The following FAM118B variants were observed in gnomAD, a reference collection of about 807,000 sequenced individuals.
The protein encoded by FAM118B is protein FAM118B.
In FAM118B, 24 loss-of-function variants were observed where a neutral mutation model predicts 38.5. That is an observed-to-expected ratio of 0.62 (90% CI 0.45 to 0.88). FAM118B has a LOEUF of 0.88. Ranked by LOEUF, FAM118B falls within the 40% of genes least tolerant of loss-of-function variation. The pLI, the probability that FAM118B is intolerant of heterozygous loss-of-function variation, is 0.00. For missense variants in FAM118B, 334 were observed against 420.0 expected (o/e 0.80, Z 1.79); for synonymous variants, 138 against 156.3 (o/e 0.88, Z 0.87).
At chr11:126,225,396 T>C (rs1565326889) in intron 1 of FAM118B, among the ~76,000 whole-genome samples, 1 of 152,254 alleles carries the variant, frequency 6.6e-6, no homozygotes, top group Non-Finnish European at 1.5e-5. Flanking sequence ...AAGTTGTGTG[T>C]ACATCACGTG....
intron 4 of FAM118B, among the ~76,000 whole-genome samples, chr11:126,246,687 C>G (rs1950423342): frequency 6.6e-6 from 1 of 152,034 alleles, no homozygotes; most frequent in Admixed American, 6.6e-5. Context: ...AGTGATCTTC[C>G]TGTTTCAGCT....
chr11:126,229,070 T>A (rs1397946946), intron 1 of FAM118B, among the ~76,000 whole-genome samples, 155 bp from the exon 2 acceptor site: 3 of 152,210 alleles, frequency 2.0e-5, no homozygotes, highest in Non-Finnish European at 4.4e-5. Context: ...CTTAAAGAGT[T>A]ATCTTGCCCT....
At position 126,244,578 on chromosome 11, in the gene FAM118B, C is replaced by T. The variant is rs745925092; in HGVS notation, c.339+3534C>T. Among the ~76,000 whole-genome samples the T allele has an allele frequency of 7.9e-5, 12 of 152,202 alleles. No individual in the cohort carries two copies. Among genetic ancestry groups the T allele is most frequent in the Middle Eastern group, 3.4e-3 (1 of 294 alleles). ...CAGCGCTTTGGGAGGCCGAGGTGGG[C>T]GGATCACCTGAGGTCGGGAGGTAGA... On this transcript the variant is annotated intron_variant, in intron 4 of 8. Transcript: ENST00000533050. The surrounding 1 kb of genome is among the most constrained non-coding windows in gnomAD (Gnocchi z 4.5).
rs1285342410 is a variant in FAM118B, at chr11:126,234,248, A to G, written c.-7-747A>G. Among the ~76,000 whole-genome samples, 6 of 152,236 alleles carry G rather than the reference A, an allele frequency of 3.9e-5. No individual in the cohort carries two copies. In the East Asian group the frequency reaches 1.2e-3, roughly 29 times the overall value. ...TGTTTAAAATACTATTACTATTTTT[A>G]AATTCACAGTCTTTAGATTTAACAA... is the stretch of plus-strand genomic sequence containing the variant. On this transcript the variant is annotated intron_variant, in intron 2 of 8. Transcript: ENST00000533050.
At position 126,254,423 on chromosome 11, in the gene FAM118B, C is replaced by T. The variant is rs1014120076; in HGVS notation, c.686C>T (p.Thr229Ile). ...GGATATCAGAACGTGCTCAGGAACA[C>T]TGAAGTCATGGTGAGTGGGGCTGAT... ...PAGYQNVLRN[T>I]EVMREIQKLY... Residue 229 changes from threonine (T) to isoleucine (I), a missense_variant, in exon 6 of 9, where the codon ACT becomes ATT. Coordinates refer to ENST00000533050, the MANE Select transcript of FAM118B (RefSeq NM_024556.4). 14 of 1,614,174 alleles carry T rather than the reference C, an allele frequency of 8.7e-6. No individual in the cohort carries two copies. The highest frequency in any genetic ancestry group is 1.2e-5 in the Non-Finnish European group (14 of 1,180,004).
chr11:126,235,172 T>C, intron 3 of FAM118B, 85 bp downstream of exon 3: 1 of 1,063,482 alleles, frequency 9.4e-7, no homozygotes, highest in Non-Finnish European at 1.4e-6. Context: ...TCTATATCAG[T>C]TGTTTTCACT....
At chr11:126,241,461 T>C (rs1183268526) in intron 4 of FAM118B, among the ~76,000 whole-genome samples, 2 of 152,192 alleles carry the variant, frequency 1.3e-5, no homozygotes, top group Non-Finnish European at 2.9e-5. Flanking sequence ...AGGTAATAAG[T>C]CAAAATATTT....
At chr11:126,247,585 C>T (rs1191382179) in intron 4 of FAM118B, among the ~76,000 whole-genome samples, 2 of 152,004 alleles carry the variant, frequency 1.3e-5, no homozygotes, top group African/African-American at 2.4e-5. Flanking sequence ...TATTTGCCAG[C>T]GCGGTGGCTC....
intron 3 of FAM118B, among the ~76,000 whole-genome samples, chr11:126,238,950 T>C (rs1047930211): frequency 6.6e-6 from 1 of 151,570 alleles, no homozygotes; most frequent in Non-Finnish European, 1.5e-5. Flanking sequence ...AATTGTTAAA[T>C]GTTTTATTTT....
At chr11:126,230,504 C>T (rs967439295) in intron 2 of FAM118B, among the ~76,000 whole-genome samples, 2 of 152,168 alleles carry the variant, frequency 1.3e-5, no homozygotes, top group Non-Finnish European at 2.9e-5. Context: ...TTATTCCAGT[C>T]ACTTTTATTT....
chr11:126,214,484 G>GTTTTTTTTTTTTTTT (rs1949941273), intron 1 of FAM118B: 1 of 30,322 alleles, frequency 3.3e-5, no homozygotes, highest in African/African-American at 1.2e-4. Flanking sequence ...AAACTCTTTT[G>GTTTTTTTTTTTTTTT]TTTCTGTTTT....
intron 4 of FAM118B, among the ~76,000 whole-genome samples, chr11:126,247,776 T>C (rs1950436314): frequency 6.6e-6 from 1 of 150,650 alleles, no homozygotes; most frequent in Admixed American, 6.6e-5. Context: ...GGGAATTGCT[T>C]GAACCCAGGA....
In FAM118B at chr11:126,223,906, C is replaced by T. The variant is rs139213044; in HGVS notation, c.-76-5319C>T. ...CTACATTCACTGTTAGGACGATTGG[C>T]ATATCCAAAAAATGATAGTCTGAAT... is the stretch of plus-strand genomic sequence containing the variant. On this transcript the variant is annotated intron_variant, in intron 1 of 8. Coordinates refer to ENST00000533050, the MANE Select transcript of FAM118B (RefSeq NM_024556.4). 1.5e-4 allele frequency among the ~76,000 whole-genome samples: 23 copies of T among 152,316 alleles called. No individual in the cohort carries two copies. In the East Asian group the frequency reaches 4.2e-3, roughly 28 times the overall value.
chr11:126,220,858 C>G (rs1252763312), intron 1 of FAM118B, among the ~76,000 whole-genome samples: 1 of 151,514 alleles, frequency 6.6e-6, no homozygotes, highest in Non-Finnish European at 1.5e-5. Context: ...CAGATCTAAA[C>G]AGTGCTTTTC....
chr11:126,247,912 T>G (rs921964507), intron 4 of FAM118B, among the ~76,000 whole-genome samples: 4 of 146,782 alleles, frequency 2.7e-5, no homozygotes, highest in African/African-American at 9.9e-5. Context: ...CGTATATCTA[T>G]ATAGATACGT....
At chr11:126,214,519 T>TTTTTTTTTG (rs1949953333) in intron 1 of FAM118B, 1 of 115,342 alleles carries the variant, frequency 8.7e-6, no homozygotes, top group Non-Finnish European at 1.8e-5. Context: ...TTTTTGTTTT[T>TTTTTTTTTG]TTTTTTTTAC....
chr11:126,214,488 C>CTTTTTTTTT (rs1565322268), intron 1 of FAM118B: 9 of 34,846 alleles, frequency 2.6e-4, no homozygotes, highest in Non-Finnish European at 3.5e-4. Context: ...TCTTTTGTTT[C>CTTTTTTTTT]TGTTTTTTTT....
At chr11:126,214,519 T>G (rs1282465340) in intron 1 of FAM118B, 7 of 115,342 alleles carry the variant, frequency 6.1e-5, no homozygotes, top group South Asian at 3.3e-4. Context: ...TTTTTGTTTT[T>G]TTTTTTTTAC....
chr11:126,255,084 TAACA>T lies in FAM118B; in HGVS notation c.696+655_696+658del, dbSNP rs2135210578. Among the ~76,000 whole-genome samples, 1 of 152,346 alleles carries T rather than the reference TAACA, an allele frequency of 6.6e-6. No homozygotes were observed. Among genetic ancestry groups the T allele is most frequent in the South Asian group, 2.1e-4 (1 of 4,826 alleles). On this transcript the variant is annotated intron_variant, in intron 6 of 8. Coordinates refer to ENST00000533050, the MANE Select transcript of FAM118B (RefSeq NM_024556.4). This position sits in a 1 kb window ranked among gnomAD's most constrained non-coding sequence, Gnocchi z 4.6. ...GTCAGAAATAATTGAGGCAGCTTCT[TAACA>T]AACCAACCACTACTAGAGAATACAT...
Sources: allele counts gnomAD v4.1 joint callset (sites outside exome capture counted in the v4.1 genomes callset), GRCh38; gene constraint gnomAD v4.1.1; non-coding constraint Gnocchi (gnomAD v3.1); transcripts MANE v1.5; gene names NCBI Gene and HGNC (gene_info 2026-07-23, HGNC 2026-07-21).